NRG3: variants seen among roughly 807,000 people sequenced by gnomAD.
NRG3 encodes neuregulin 3.
Under a neutral mutation model 66.9 loss-of-function variants are expected in NRG3, and 31 were observed. That is an observed-to-expected ratio of 0.46 (90% confidence interval 0.35 to 0.63). NRG3 has a LOEUF of 0.63. Ranked by LOEUF, NRG3 falls within the 20% of genes least tolerant of loss-of-function variation. NRG3 has a pLI of 0.00. For synonymous variants in NRG3, 393 were observed against 359.4 expected (o/e 1.09, Z -1.06); for missense variants, 910 against 878.9 (o/e 1.04, Z -0.45).
At chr10:82,646,570 C>G (rs779623640) in intron 2 of NRG3, among the ~76,000 whole-genome samples, 2 of 152,092 alleles carry the variant, frequency 1.3e-5, no homozygotes, top group Non-Finnish European at 2.9e-5. Context: ...CGAAGACAAA[C>G]AAAGCTAGAT....
At chr10:82,980,534 A>G (rs1048191413) in intron 8 of NRG3, among the ~76,000 whole-genome samples, 10 of 152,138 alleles carry the variant, frequency 6.6e-5, no homozygotes, top group African/African-American at 2.4e-4. Flanking sequence ...GACTGTCTCT[A>G]TCAGGCTAAA....
At chr10:81,916,390 A>C (rs1845710337) in intron 1 of NRG3, among the ~76,000 whole-genome samples, 2 of 152,196 alleles carry the variant, frequency 1.3e-5, no homozygotes, top group African/African-American at 4.8e-5. Flanking sequence ...AGTATAAGTA[A>C]AGTTTCTGGA....
chr10:82,519,580 A>G (rs1282339714), intron 2 of NRG3, among the ~76,000 whole-genome samples: 1 of 152,182 alleles, frequency 6.6e-6, no homozygotes, highest in Non-Finnish European at 1.5e-5. Flanking sequence ...TTATGTCCTC[A>G]GTACCCAGCC....
intron 3 of NRG3, among the ~76,000 whole-genome samples, chr10:82,805,357 C>T (rs1227130365): frequency 2.0e-5 from 3 of 152,166 alleles, no homozygotes; most frequent in African/African-American, 7.2e-5. Context: ...TTCATTTAAA[C>T]GTGAATGCAC....
chr10:82,483,629 C>T (rs1035450324), intron 2 of NRG3, among the ~76,000 whole-genome samples: 14 of 152,250 alleles, frequency 9.2e-5, no homozygotes, highest in Admixed American at 3.9e-4. Context: ...AACACACACA[C>T]GCCAGGCCCT....
At chr10:82,371,280 G>T (rs2084877020) in intron 2 of NRG3, among the ~76,000 whole-genome samples, 1 of 152,128 alleles carries the variant, frequency 6.6e-6, no homozygotes, top group Non-Finnish European at 1.5e-5. Flanking sequence ...AGAAATTAAG[G>T]ATAAAGTGAA....
chr10:81,915,496 G>GTTTTTTTTTTTTTTT (rs78693924), intron 1 of NRG3, among the ~76,000 whole-genome samples: 4 of 130,734 alleles, frequency 3.1e-5, no homozygotes, highest in Non-Finnish European at 1.6e-5. Flanking sequence ...CACTTCTTTA[G>GTTTTTTTTTTTTTTT]TTTTTTTTTT....
intron 2 of NRG3, among the ~76,000 whole-genome samples, chr10:82,645,781 G>A (rs1444956273): frequency 6.6e-6 from 1 of 152,092 alleles, no homozygotes; most frequent in African/African-American, 2.4e-5. Context: ...GTGTTGTATT[G>A]AGACCTGCCT....
At chr10:82,982,130 A>G (rs1852981866) in intron 8 of NRG3, among the ~76,000 whole-genome samples, 1 of 152,216 alleles carries the variant, frequency 6.6e-6, no homozygotes, top group Non-Finnish European at 1.5e-5. Flanking sequence ...GATGATTTGT[A>G]AACGGAATAT....
chr10:82,429,339 C>A (rs910933220), intron 2 of NRG3, among the ~76,000 whole-genome samples: 2 of 151,888 alleles, frequency 1.3e-5, no homozygotes, highest in African/African-American at 4.8e-5. Context: ...GTCCAGTATT[C>A]CCCCTTTTTA....
chr10:81,961,314 A>G (rs1402345865), intron 1 of NRG3, among the ~76,000 whole-genome samples: 1 of 152,160 alleles, frequency 6.6e-6, no homozygotes, highest in African/African-American at 2.4e-5. Context: ...CTTTGTGGAT[A>G]TGGTTTCATG....
rs1311776731 is a variant in NRG3 at position 81,878,142 on chromosome 10, G to C, written c.823+1979G>C. 4 of 1,421,718 alleles carry C rather than the reference G, an allele frequency of 2.8e-6. No homozygotes were observed. In the East Asian group the frequency reaches 7.6e-5, roughly 27 times the overall value. 88.1% of individuals were successfully genotyped at this position (1,421,718 alleles called of 1,614,324 possible). A position where few individuals can be genotyped will look rare whatever the true frequency, so the allele number is the denominator to read the frequency against. Reference sequence around the variant, plus strand: ...TGCTCTCTTCCTACATTCCGTGGACGGGAATGGCAGCCTGTTTAATAAGTA... The same window carrying C: ...TGCTCTCTTCCTACATTCCGTGGACCGGAATGGCAGCCTGTTTAATAAGTA... On this transcript the variant is annotated intron_variant, in intron 1 of 8. Coordinates refer to ENST00000372141, the MANE Select transcript of NRG3 (RefSeq NM_001010848.4).
chr10:82,043,836 T>C (rs1001500268), intron 1 of NRG3, among the ~76,000 whole-genome samples: 15 of 152,114 alleles, frequency 9.9e-5, no homozygotes, highest in African/African-American at 3.1e-4. Flanking sequence ...AGCTAATTGA[T>C]ATAAACAACA....
intron 1 of NRG3, among the ~76,000 whole-genome samples, chr10:82,073,708 T>A (rs890150023): frequency 6.6e-6 from 1 of 152,194 alleles, no homozygotes; most frequent in African/African-American, 2.4e-5. Context: ...TTTGTCCTCA[T>A]TTTTTACTAT....
At chr10:82,792,738 T>C (rs2060637120) in intron 3 of NRG3, among the ~76,000 whole-genome samples, 1 of 152,130 alleles carries the variant, frequency 6.6e-6, no homozygotes, top group Admixed American at 6.6e-5. Context: ...TGGAGTGCAA[T>C]GGCATGCCCT....
chr10:82,023,797 T>C (rs2062167509), intron 1 of NRG3, among the ~76,000 whole-genome samples: 1 of 152,074 alleles, frequency 6.6e-6, no homozygotes, highest in Non-Finnish European at 1.5e-5. Flanking sequence ...ATCAGGAGTA[T>C]TGGCTTGTAG....
chr10:82,889,335 C>A (rs1842965411), intron 4 of NRG3, among the ~76,000 whole-genome samples: 1 of 151,986 alleles, frequency 6.6e-6, no homozygotes, highest in Non-Finnish European at 1.5e-5. Context: ...CAGAGATGAG[C>A]CAGGATTTCG....
At chr10:82,607,948 T>C (rs376364923) in intron 2 of NRG3, among the ~76,000 whole-genome samples, 8 of 152,170 alleles carry the variant, frequency 5.3e-5, no homozygotes, top group African/African-American at 1.9e-4. Flanking sequence ...CCAAATACTT[T>C]GCCATTATTA....
intron 1 of NRG3, among the ~76,000 whole-genome samples, chr10:82,114,979 C>T (rs1421775288): frequency 6.6e-6 from 1 of 152,078 alleles, no homozygotes; most frequent in African/African-American, 2.4e-5. Context: ...GCTCAGTTTT[C>T]TTTTGGAAAA....
Sources: gnomAD v4.1 joint callset for allele counts (sites outside exome capture counted in the v4.1 genomes callset) on GRCh38, gnomAD v4.1.1 for gene constraint, MANE v1.5 for transcripts, NCBI Gene and HGNC (gene_info 2026-07-23, HGNC 2026-07-21) for gene names.